Variants in CAMSAP1 observed in about 807,000 individuals in gnomAD.
The protein encoded by CAMSAP1 is calmodulin regulated spectrin associated protein 1, also known as calmodulin-regulated spectrin-associated protein 1.
Under a neutral mutation model 143.5 loss-of-function variants are expected in CAMSAP1, and 58 were observed. That is an observed-to-expected ratio of 0.40 (90% CI 0.33 to 0.50). CAMSAP1 has a LOEUF of 0.50. CAMSAP1 is among the 20% of genes least tolerant of loss of function. The pLI is 0.45. For missense variants in CAMSAP1, 1,969 were observed against 2,115.7 expected (o/e 0.93, Z 1.36); for synonymous variants, 945 against 859.3 (o/e 1.10, Z -1.74).
chr9:135,824,388 C>T lies in CAMSAP1; in HGVS notation c.1316-354G>A, dbSNP rs1039019819. On this transcript the variant is annotated intron_variant, in intron 9 of 16. Transcript: ENST00000389532. The surrounding 1 kb of genome is among the most constrained non-coding windows in gnomAD (Gnocchi z 4.1). ...TCTTAACTAAAATCACTACATCAGC[C>T]GGGCACAGTGGCTCACACCTGTAAT... 6.6e-6 allele frequency among the ~76,000 whole-genome samples: 1 copy of T among 152,126 alleles called. No individual in the cohort carries two copies. Among genetic ancestry groups the T allele is most frequent in the Non-Finnish European group, 1.5e-5 (1 of 68,008 alleles).
rs1835321714 is a variant in CAMSAP1, at chr9:135,818,428, C to T, written c.4148G>A (p.Gly1383Asp). The change falls in exon 13 of 17, where the codon GGC (glycine) becomes GAC (aspartate). Residue 1383 changes from glycine to aspartate, a missense_variant. Physicochemically the swap from Gly to Asp is moderately conservative, Grantham distance 94. Transcript: ENST00000389532. The surrounding 1 kb of genome is among the most constrained non-coding windows in gnomAD (Gnocchi z 7.7). ...CTTACGGGTGGAGGAGCACTTGGTG[C>T]CGGAGTCGCTGCACGACTCTTCCCG... is the stretch of plus-strand genomic sequence containing the variant. ...VHREESCSDS[G>D]TKCSSTPDNL... 1.3e-6 allele frequency: 2 copies of T among 1,589,686 alleles called. No homozygotes were observed.
rs1170425086 is a variant in CAMSAP1 at position 135,818,362 on chromosome 9, G to A, written c.4168+46C>T. ...ATGAGCTGAAGAACGTGAGGCCGCC[G>A]CCCGCGGAAGGAAGCGCTGCCCGCG... is the stretch of plus-strand genomic sequence containing the variant. On this transcript the variant is annotated intron_variant, in intron 13 of 16. Transcript: ENST00000389532. The surrounding 1 kb of genome is among the most constrained non-coding windows in gnomAD (Gnocchi z 7.7). 10 of 1,509,896 alleles carry A rather than the reference G, an allele frequency of 6.6e-6. No individual in the cohort carries two copies. Among genetic ancestry groups the A allele is most frequent in the Admixed American group, 4.1e-5 (2 of 49,224 alleles). 93.5% of individuals were successfully genotyped at this position (1,509,896 alleles called of 1,614,324 possible).
chr9:135,877,070 A>C (rs1837775188), intron 3 of CAMSAP1, among the ~76,000 whole-genome samples: 1 of 152,180 alleles, frequency 6.6e-6, no homozygotes, highest in Admixed American at 6.5e-5. Context: ...TATTCAAAAC[A>C]GGCAAAAACT....
At chr9:135,848,451 G>A (rs776850273) in intron 7 of CAMSAP1, among the ~76,000 whole-genome samples, 6 of 152,020 alleles carry the variant, frequency 3.9e-5, no homozygotes, top group East Asian at 1.9e-4. Flanking sequence ...AGAAAGTCAC[G>A]GGTCTGCCAG....
intron 1 of CAMSAP1, among the ~76,000 whole-genome samples, chr9:135,884,673 G>C (rs947078934): frequency 2.6e-5 from 4 of 152,248 alleles, no homozygotes; most frequent in Admixed American, 2.6e-4. Context: ...GAAATCATTG[G>C]AACTTTTGAA....
chr9:135,880,286 C>T (rs1406154058), intron 3 of CAMSAP1, among the ~76,000 whole-genome samples: 2 of 152,094 alleles, frequency 1.3e-5, no homozygotes, highest in African/African-American at 2.4e-5. Context: ...ACATGCACGC[C>T]GCCAGGTGAG....
intron 1 of CAMSAP1, among the ~76,000 whole-genome samples, chr9:135,895,533 AAAAT>A (rs1838421981): frequency 2.0e-5 from 3 of 152,234 alleles, no homozygotes; most frequent in Admixed American, 2.0e-4. Flanking sequence ...CTGGTGAAGA[AAAAT>A]AAAATAATCT....
rs544056024 is a variant in CAMSAP1 at position 135,820,234 on chromosome 9, C to T, written c.3822+605G>A. ...CTATCTAAACATTGAAAAACTACCA[C>T]GAAAACATGGTCTTATCATCTTAGG... On this transcript the variant is annotated intron_variant, in intron 11 of 16. Transcript: ENST00000389532. The surrounding 1 kb of genome is among the most constrained non-coding windows in gnomAD (Gnocchi z 4.4). Among the ~76,000 whole-genome samples the T allele has an allele frequency of 4.6e-5, 7 of 152,232 alleles. No homozygotes were observed. The highest frequency in any genetic ancestry group is 1.0e-4 in the Non-Finnish European group (7 of 67,998).
At chr9:135,857,981 C>T (rs865959276) in intron 5 of CAMSAP1, among the ~76,000 whole-genome samples, 66 of 152,256 alleles carry the variant, frequency 4.3e-4, no homozygotes, top group African/African-American at 1.6e-3. Flanking sequence ...AGGAGAAAGG[C>T]ATCAGAAGCA....
At chr9:135,863,749 C>T (rs1210188986) in intron 4 of CAMSAP1, among the ~76,000 whole-genome samples, 1 of 152,158 alleles carries the variant, frequency 6.6e-6, no homozygotes, top group Non-Finnish European at 1.5e-5. Flanking sequence ...CGGGAGCCCA[C>T]GGCACACACT....
At chr9:135,844,237 T>C (rs1326257360) in intron 7 of CAMSAP1, among the ~76,000 whole-genome samples, 1 of 152,070 alleles carries the variant, frequency 6.6e-6, no homozygotes, top group African/African-American at 2.4e-5. Context: ...AGAACGGAAA[T>C]CATAACAAAC....
intron 1 of CAMSAP1, among the ~76,000 whole-genome samples, chr9:135,898,773 AAT>A (rs1382787010): frequency 3.5e-4 from 53 of 152,330 alleles, no homozygotes; most frequent in African/African-American, 1.3e-3. Context: ...TGGCCAAATA[AAT>A]ATGTCACTTT....
At chr9:135,893,987 G>A (rs1430371652) in intron 1 of CAMSAP1, among the ~76,000 whole-genome samples, 3 of 152,146 alleles carry the variant, frequency 2.0e-5, no homozygotes, top group Non-Finnish European at 4.4e-5. Context: ...GCAACAGGGT[G>A]TTCTTACGAC....
At chr9:135,868,581 T>C (rs1277459081) in intron 3 of CAMSAP1, among the ~76,000 whole-genome samples, 2 of 150,966 alleles carry the variant, frequency 1.3e-5, no homozygotes, top group Non-Finnish European at 3.0e-5. Flanking sequence ...CTTCCTAACA[T>C]GTAAAGGCTT....
intron 1 of CAMSAP1, among the ~76,000 whole-genome samples, chr9:135,889,010 C>A (rs921680651): frequency 6.6e-6 from 1 of 152,174 alleles, no homozygotes; most frequent in Non-Finnish European, 1.5e-5. Flanking sequence ...GGGAGACCCT[C>A]GGGAACCCTC....
chr9:135,827,650 G>A (rs1835725496), intron 7 of CAMSAP1, 66 bp from the exon 8 acceptor site: 2 of 1,384,350 alleles, frequency 1.4e-6, no homozygotes, highest in South Asian at 1.7e-5. Flanking sequence ...AACCTAACCT[G>A]CAGCTTTTAT....
At chr9:135,867,262 AATATAG>A (rs1243963109) in intron 3 of CAMSAP1, among the ~76,000 whole-genome samples, 1 of 152,164 alleles carries the variant, frequency 6.6e-6, no homozygotes, top group Non-Finnish European at 1.5e-5. Flanking sequence ...AGACAAAAAA[AATATAG>A]ATAATGTAAA....
In CAMSAP1 at chr9:135,874,479, G is replaced by GGC. The variant is rs1554797546; in HGVS notation, c.585+7153_585+7154insGC. The stretch of plus-strand genomic sequence containing the variant: ...CAGGGTGAGACCCTGTCTCAAAAAA[G>GGC]GGGGGGGGGGGCCACAGGGGCCGGG... On this transcript the variant is annotated intron_variant, in intron 3 of 16. Coordinates refer to ENST00000389532, the MANE Select transcript of CAMSAP1 (RefSeq NM_015447.4). 3.1e-4 allele frequency among the ~76,000 whole-genome samples: 3 copies of GGC among 9,636 alleles called. No homozygotes were observed. The East Asian group carries it at 0.044, about 142-fold the overall frequency. The allele number at this position is 9,636 out of a possible 152,430, so 6.3% of individuals were successfully genotyped here.
At chr9:135,895,943 A>G (rs187828691) in intron 1 of CAMSAP1, among the ~76,000 whole-genome samples, 1 of 152,344 alleles carries the variant, frequency 6.6e-6, no homozygotes, top group Admixed American at 6.5e-5. Flanking sequence ...TGGTCAATTA[A>G]CCAATAAGAA....
Sources: gnomAD v4.1 joint callset for allele counts (sites outside exome capture counted in the v4.1 genomes callset) on GRCh38, gnomAD v4.1.1 for gene constraint, Gnocchi (gnomAD v3.1) non-coding constraint, MANE v1.5 for transcripts, NCBI Gene and HGNC (gene_info 2026-07-23, HGNC 2026-07-21) for gene names.